ADAMTSL1: variants seen among roughly 807,000 people sequenced by gnomAD.
ADAMTSL1 encodes the protein ADAMTS-like protein 1.
In ADAMTSL1, 126 loss-of-function variants were observed where a neutral mutation model predicts 201.8. The observed-to-expected ratio is 0.62, with a 90% CI of 0.54 to 0.72. The LOEUF (loss-of-function observed/expected upper bound fraction) is 0.72. Among genes scored for constraint, ADAMTSL1 ranks in the 30% least tolerant of loss-of-function variants. The probability of loss-of-function intolerance (pLI) is 0.00; values close to 1 mark genes in which losing one functional copy is unlikely to be tolerated. For synonymous variants in ADAMTSL1, 1,121 were observed against 903.4 expected (o/e 1.24, Z -4.32); for missense variants, 2,679 against 2,277.8 (o/e 1.18, Z -3.59).
chr9:18,559,639 A>T (rs1392562008), intron 3 of ADAMTSL1, among the ~76,000 whole-genome samples: 1 of 152,242 alleles, frequency 6.6e-6, no homozygotes, highest in African/African-American at 2.4e-5. Context: ...CCTACCCATT[A>T]GCATGGAATG....
chr9:18,651,624 A>G (rs1243354960), intron 7 of ADAMTSL1, among the ~76,000 whole-genome samples: 2 of 152,208 alleles, frequency 1.3e-5, no homozygotes, highest in South Asian at 2.1e-4. Flanking sequence ...GGTATTGCAT[A>G]TCTATAGTTG....
intron 15 of ADAMTSL1, among the ~76,000 whole-genome samples, chr9:18,726,773 T>C (rs188351335): frequency 6.5e-4 from 99 of 152,334 alleles, no homozygotes; most frequent in Non-Finnish European, 1.2e-3. Flanking sequence ...TGTTCTAACA[T>C]ACTTTTTAAA....
At position 18,771,649 on chromosome 9, in the gene ADAMTSL1, A is replaced by C. The variant is rs987647091; in HGVS notation, c.2397+868A>C. ...GAAAATGTCTGTAAAGCCAGATTCA[A>C]GACCTTCCTTTTTCTAGCATATAAG... On this transcript the variant is annotated intron_variant, in intron 17 of 28. Transcript: ENST00000380548. Among the ~76,000 whole-genome samples the C allele has an allele frequency of 7.9e-5, 12 of 151,586 alleles. No homozygotes were observed. In the East Asian group the frequency reaches 2.3e-3, roughly 30 times the overall value.
intron 1 of ADAMTSL1, among the ~76,000 whole-genome samples, chr9:17,982,585 C>T (rs897210392): frequency 1.1e-4 from 16 of 152,128 alleles, no homozygotes; most frequent in Non-Finnish European, 1.8e-4. Context: ...GCACTCCAGC[C>T]TGGGTGACAG....
chr9:18,255,508 A>T (rs1167447038), intron 2 of ADAMTSL1, among the ~76,000 whole-genome samples: 1 of 152,210 alleles, frequency 6.6e-6, no homozygotes, highest in Non-Finnish European at 1.5e-5. Context: ...CTTCTAGAAA[A>T]GCTTTGAGCA....
At chr9:18,104,544 A>G (rs1180471901) in intron 1 of ADAMTSL1, among the ~76,000 whole-genome samples, 1 of 152,132 alleles carries the variant, frequency 6.6e-6, no homozygotes, top group Non-Finnish European at 1.5e-5. Flanking sequence ...CAGTAGGTAC[A>G]CGTGGACATA....
Position 18,574,627 on chromosome 9 carries a change from A to G in ADAMTSL1, c.474+361A>G, listed in dbSNP as rs1033101103. 315 of 326,662 alleles carry G rather than the reference A, an allele frequency of 9.6e-4. 1 individual carries two copies. The highest frequency in any genetic ancestry group is 6.4e-3 in the African/African-American group (289 of 45,304). 20.2% of individuals were successfully genotyped at this position (326,662 alleles called of 1,614,324 possible). On this transcript the variant is annotated intron_variant, in intron 4 of 28. Transcript: ENST00000380548. ...TGTGTGTGTGTGTGTGTATTTAGAG[A>G]CTGGATTTTCATTGACTCAGTTTCA...
rs752925259 is a variant in ADAMTSL1 at position 18,880,442 on chromosome 9, C to T, written c.4250-7389C>T. Among the ~76,000 whole-genome samples the T allele has an allele frequency of 1.1e-3, 174 of 152,120 alleles. 2 individuals are homozygous for T. Among genetic ancestry groups the T allele is most frequent in the South Asian group, 1.4e-3 (7 of 4,832 alleles). On this transcript the variant is annotated intron_variant, in intron 23 of 28. Coordinates refer to ENST00000380548, the MANE Select transcript of ADAMTSL1 (RefSeq NM_001040272.6). Reference sequence around the variant, plus strand: ...TGGGCTGCAGAATGGATGTTATGTTCGCAGAAATGAAAATAAGAATCTCCT... The same window carrying T: ...TGGGCTGCAGAATGGATGTTATGTTTGCAGAAATGAAAATAAGAATCTCCT...
chr9:18,063,657 A>G (rs184854210), intron 1 of ADAMTSL1, among the ~76,000 whole-genome samples: 1 of 152,310 alleles, frequency 6.6e-6, no homozygotes, highest in Non-Finnish European at 1.5e-5. Context: ...TGGGACAGTG[A>G]TGCTTACTGT....
chr9:18,702,412 G>A (rs1400853150), intron 13 of ADAMTSL1, among the ~76,000 whole-genome samples: 1 of 152,154 alleles, frequency 6.6e-6, no homozygotes, highest in Non-Finnish European at 1.5e-5. Flanking sequence ...TTCAGTGCAT[G>A]CTTCTAACTC....
At chr9:18,213,832 C>T (rs1829968582) in intron 2 of ADAMTSL1, among the ~76,000 whole-genome samples, 1 of 152,018 alleles carries the variant, frequency 6.6e-6, no homozygotes, top group Non-Finnish European at 1.5e-5. Flanking sequence ...TTCCACTTCC[C>T]TGGTTCAAGC....
chr9:18,388,131 T>G (rs936048196), intron 2 of ADAMTSL1, among the ~76,000 whole-genome samples: 6 of 152,154 alleles, frequency 3.9e-5, no homozygotes, highest in Non-Finnish European at 2.9e-5. Context: ...ATTTTGAACC[T>G]TTTTATGTCC....
chr9:18,805,085 T>A (rs946644389), intron 20 of ADAMTSL1, among the ~76,000 whole-genome samples: 4 of 152,236 alleles, frequency 2.6e-5, no homozygotes, highest in Non-Finnish European at 1.5e-5. Flanking sequence ...TCACAACTGT[T>A]TTCTTGAACT....
intron 1 of ADAMTSL1, among the ~76,000 whole-genome samples, chr9:18,052,641 C>T (rs1485587195): frequency 6.6e-6 from 1 of 152,104 alleles, no homozygotes; most frequent in African/African-American, 2.4e-5. Context: ...ACAGTGTTGT[C>T]CTGAGGATGA....
At chr9:18,847,820 A>T (rs34426517) in intron 23 of ADAMTSL1, among the ~76,000 whole-genome samples, 49,089 of 152,198 alleles carry the variant, frequency 0.32, 8,767 homozygotes, top group Non-Finnish European at 0.4. Flanking sequence ...TCAGAGAGGC[A>T]ACCAGGCAGA....
intron 4 of ADAMTSL1, among the ~76,000 whole-genome samples, chr9:18,595,961 G>A (rs1265779605): frequency 1.3e-5 from 2 of 152,166 alleles, no homozygotes; most frequent in Non-Finnish European, 2.9e-5. Context: ...TGAATTCCAA[G>A]GCTCAAACAG....
chr9:18,247,755 G>A (rs1831318374), intron 2 of ADAMTSL1, among the ~76,000 whole-genome samples: 1 of 152,164 alleles, frequency 6.6e-6, no homozygotes, highest in South Asian at 2.1e-4. Flanking sequence ...TAGACAGAGG[G>A]AGAGGCAGAA....
At chr9:18,099,399 G>T (rs1157268902) in intron 1 of ADAMTSL1, among the ~76,000 whole-genome samples, 1 of 121,806 alleles carries the variant, frequency 8.2e-6, no homozygotes. Flanking sequence ...ACTAGGCTAT[G>T]CTTTGGTTTT....
At chr9:18,035,207 C>T (rs1821142188) in intron 1 of ADAMTSL1, among the ~76,000 whole-genome samples, 1 of 152,230 alleles carries the variant, frequency 6.6e-6, no homozygotes, top group South Asian at 2.1e-4. Context: ...TGCTCCTCTA[C>T]CTCCAAGGTT....
Sources: gnomAD v4.1 joint callset for allele counts (sites outside exome capture counted in the v4.1 genomes callset) on GRCh38, gnomAD v4.1.1 for gene constraint, MANE v1.5 for transcripts, NCBI Gene and HGNC (gene_info 2026-07-23, HGNC 2026-07-21) for gene names.